Variants in SNTG2 observed in about 807,000 individuals in gnomAD.
SNTG2 encodes the protein gamma-2-syntrophin.
A neutral mutation model predicts 70.9 loss-of-function variants in SNTG2; 74 were observed. That is an observed-to-expected ratio of 1.04 (90% CI 0.86 to 1.27). SNTG2 has a LOEUF of 1.27. Ranked by LOEUF, SNTG2 falls within the 50% of genes most tolerant of loss-of-function variation. The pLI is 0.00. For synonymous variants in SNTG2, 278 were observed against 273.8 expected (o/e 1.02, Z -0.15); for missense variants, 717 against 690.7 (o/e 1.04, Z -0.43).
chr2:1,086,301 G>GCTCGCTCT (rs895636530), intron 2 of SNTG2, among the ~76,000 whole-genome samples: 14 of 152,204 alleles, frequency 9.2e-5, no homozygotes, highest in Admixed American at 3.9e-4. Context: ...GAAGACACGG[G>GCTCGCTCT]CTCGCTCTCT....
At chr2:1,269,096 G>C (rs551762152) in intron 14 of SNTG2, among the ~76,000 whole-genome samples, 2 of 152,316 alleles carry the variant, frequency 1.3e-5, no homozygotes, top group African/African-American at 4.8e-5. Context: ...CCCAGATGTA[G>C]TGAAATGAAT....
At chr2:1,073,383 A>G (rs1011518002) in intron 1 of SNTG2, among the ~76,000 whole-genome samples, 5 of 152,250 alleles carry the variant, frequency 3.3e-5, no homozygotes, top group Admixed American at 2.6e-4. Flanking sequence ...AAGGTTCTCC[A>G]CCAGCAAAAT....
At chr2:1,173,946 T>A (rs899031499) in intron 8 of SNTG2, among the ~76,000 whole-genome samples, 9 of 152,384 alleles carry the variant, frequency 5.9e-5, no homozygotes, top group Non-Finnish European at 1.2e-4. Flanking sequence ...TTATAAATCA[T>A]TCCAGTCAAA....
At chr2:1,071,932 C>T (rs1394104443) in intron 1 of SNTG2, among the ~76,000 whole-genome samples, 2 of 152,210 alleles carry the variant, frequency 1.3e-5, no homozygotes, top group African/African-American at 4.8e-5. Context: ...AAGGCCCTAA[C>T]TCTTCAATTC....
chr2:1,030,769 G>A (rs945117700), intron 1 of SNTG2, among the ~76,000 whole-genome samples: 2 of 151,814 alleles, frequency 1.3e-5, no homozygotes, highest in African/African-American at 4.9e-5. Flanking sequence ...ACTTTCTCAA[G>A]TGTACCATAA....
At chr2:978,377 A>G (rs943379322) in intron 1 of SNTG2, among the ~76,000 whole-genome samples, 6 of 152,238 alleles carry the variant, frequency 3.9e-5, no homozygotes, top group African/African-American at 1.4e-4. Context: ...CTTTTCATTC[A>G]AGTTTAGTTG....
At chr2:1,190,012 G>A (rs1433167124) in intron 8 of SNTG2, among the ~76,000 whole-genome samples, 1 of 152,018 alleles carries the variant, frequency 6.6e-6, no homozygotes, top group Non-Finnish European at 1.5e-5. Flanking sequence ...ATAATTTTAT[G>A]ATCTCGGGAA....
chr2:1,005,611 C>T (rs1659538596), intron 1 of SNTG2, among the ~76,000 whole-genome samples: 2 of 151,388 alleles, frequency 1.3e-5, no homozygotes, highest in South Asian at 4.2e-4. Flanking sequence ...TGAGACCACT[C>T]TGACCAACAT....
intron 9 of SNTG2, among the ~76,000 whole-genome samples, chr2:1,214,697 A>C (rs1413744438): frequency 6.6e-6 from 1 of 152,080 alleles, no homozygotes; most frequent in Non-Finnish European, 1.5e-5. Context: ...AGACAATTTC[A>C]CTTCTTCCTT....
chr2:1,131,932 G>T (rs551122134), intron 4 of SNTG2, among the ~76,000 whole-genome samples: 1 of 152,264 alleles, frequency 6.6e-6, no homozygotes, highest in South Asian at 2.1e-4. Context: ...TTATAGGCGT[G>T]AGCCACCGCA....
intron 16 of SNTG2, among the ~76,000 whole-genome samples, chr2:1,334,665 A>C (rs1011932201): frequency 9.2e-5 from 14 of 152,232 alleles, no homozygotes; most frequent in African/African-American, 3.4e-4. Flanking sequence ...GCTGGAAGCC[A>C]TTATTCTAAG....
At chr2:1,028,367 C>G (rs1393546256) in intron 1 of SNTG2, among the ~76,000 whole-genome samples, 1 of 152,248 alleles carries the variant, frequency 6.6e-6, no homozygotes, top group African/African-American at 2.4e-5. Flanking sequence ...ACATCCTACG[C>G]TTACTGAACC....
intron 6 of SNTG2, among the ~76,000 whole-genome samples, chr2:1,142,248 T>A (rs73911423): frequency 0.077 from 11,687 of 152,182 alleles, 1,014 homozygotes; most frequent in African/African-American, 0.21. Flanking sequence ...AGCTCCATGA[T>A]CAATTAGCCA....
intron 9 of SNTG2, among the ~76,000 whole-genome samples, chr2:1,228,193 G>A (rs964751026): frequency 6.6e-6 from 1 of 152,262 alleles, no homozygotes; most frequent in Non-Finnish European, 1.5e-5. Flanking sequence ...GCACTTTCGA[G>A]CTGGCGGGGG....
chr2:1,175,152 G>A (rs1671386456), intron 8 of SNTG2, among the ~76,000 whole-genome samples: 1 of 152,164 alleles, frequency 6.6e-6, no homozygotes, highest in African/African-American at 2.4e-5. Context: ...TATTAAAGCT[G>A]TGAAAGGTAG....
At chr2:1,137,420 A>G (rs951201385) in intron 4 of SNTG2, among the ~76,000 whole-genome samples, 2 of 150,900 alleles carry the variant, frequency 1.3e-5, no homozygotes, top group Non-Finnish European at 2.9e-5. Context: ...TGCCACCCAC[A>G]CCCACACATG....
intron 4 of SNTG2, among the ~76,000 whole-genome samples, chr2:1,104,709 G>A (rs75936458): frequency 3.3e-5 from 5 of 152,180 alleles, no homozygotes; most frequent in Non-Finnish European, 5.9e-5. Context: ...AGGAGGGGCC[G>A]TGTGTGCTGT....
intron 1 of SNTG2, 121 bp from the exon 2 acceptor site, chr2:1,083,397 C>A (rs1454241548): frequency 8.8e-6 from 8 of 906,848 alleles, no homozygotes; most frequent in Middle Eastern, 2.3e-4. Context: ...CAGATCTGTG[C>A]ACACGCGAGC....
At chr2:1,319,262 G>GA in intron 16 of SNTG2, among the ~76,000 whole-genome samples, 1 of 152,294 alleles carries the variant, frequency 6.6e-6, no homozygotes, top group African/African-American at 2.4e-5. Context: ...TGGGTTGGTG[G>GA]AAAAGAGAAC....
Sources: gnomAD v4.1 joint callset for allele counts (sites outside exome capture counted in the v4.1 genomes callset) on GRCh38, gnomAD v4.1.1 for gene constraint, MANE v1.5 for transcripts, NCBI Gene and HGNC (gene_info 2026-07-23, HGNC 2026-07-21) for gene names.